The following NAALADL2 variants were observed in gnomAD, a reference collection of about 807,000 sequenced individuals.
The protein encoded by NAALADL2 is N-acetylated alpha-linked acidic dipeptidase like 2.
In NAALADL2, 76 loss-of-function variants were observed where a neutral mutation model predicts 87.2. That is an observed-to-expected ratio of 0.87 (90% CI 0.72 to 1.05). The LOEUF is 1.05. Among genes scored for constraint, NAALADL2 ranks in the 50% least tolerant of loss-of-function variants. The probability of loss-of-function intolerance (pLI) is 0.00; values close to 1 mark genes in which losing one functional copy is unlikely to be tolerated. For missense variants in NAALADL2, 1,089 were observed against 945.8 expected (o/e 1.15, Z -1.99); for synonymous variants, 354 against 331.0 (o/e 1.07, Z -0.75).
chr3:174,617,684 C>T (rs1037363163), intron 2 of NAALADL2, among the ~76,000 whole-genome samples: 1 of 151,602 alleles, frequency 6.6e-6, no homozygotes, highest in Admixed American at 6.6e-5. Flanking sequence ...GCTTGTTGTT[C>T]ACTGAAGAGT....
intron 5 of NAALADL2, among the ~76,000 whole-genome samples, chr3:175,398,017 A>G (rs559689153): frequency 9.2e-5 from 14 of 152,210 alleles, no homozygotes; most frequent in African/African-American, 3.4e-4. Flanking sequence ...TCTTTAAGGT[A>G]TTGTGCCCCC....
intron 2 of NAALADL2, among the ~76,000 whole-genome samples, chr3:175,155,121 A>G (rs557724109): frequency 1.2e-4 from 19 of 152,234 alleles, no homozygotes; most frequent in South Asian, 1.2e-3. Context: ...GCTGTGTGTA[A>G]CAAACCCCTG....
intron 1 of NAALADL2, among the ~76,000 whole-genome samples, chr3:175,093,930 T>G (rs1333488503): frequency 6.6e-6 from 1 of 151,938 alleles, no homozygotes; most frequent in East Asian, 1.9e-4. Context: ...GATGTACATG[T>G]GATGGAATGC....
At chr3:174,590,166 A>AT (rs541104659) in intron 2 of NAALADL2, among the ~76,000 whole-genome samples, 38 of 149,718 alleles carry the variant, frequency 2.5e-4, no homozygotes, top group East Asian at 9.7e-4. Context: ...AGAACCATAG[A>AT]TTTTTTTTTT....
chr3:175,810,287 G>A lies in NAALADL2; in HGVS notation c.*7084G>A, dbSNP rs1755069448. ...ATAACTTTTTATGTGTTACTTACATGACTCAATATGCATCTTACTTAAGAA... is the reference window on the plus strand; with the variant it reads ...ATAACTTTTTATGTGTTACTTACATAACTCAATATGCATCTTACTTAAGAA... On this transcript the variant is annotated 3_prime_UTR_variant, in exon 14 of 14. Transcript: ENST00000454872. 1 of 151,928 alleles carries A rather than the reference G, an allele frequency of 6.6e-6. No individual in the cohort carries two copies. Among genetic ancestry groups the A allele is most frequent in the African/African-American group, 2.4e-5 (1 of 41,386 alleles). The allele number at this position is 151,928 out of a possible 1,614,324, so 9.4% of individuals were successfully genotyped here.
At chr3:174,714,028 G>A (rs570126552) in intron 2 of NAALADL2, among the ~76,000 whole-genome samples, 121 of 152,232 alleles carry the variant, frequency 7.9e-4, no homozygotes, top group African/African-American at 2.8e-3. Context: ...TGGCTAGCCA[G>A]TTTTCCCAGC....
At chr3:175,464,459 A>T (rs944703943) in intron 7 of NAALADL2, among the ~76,000 whole-genome samples, 1 of 151,964 alleles carries the variant, frequency 6.6e-6, no homozygotes, top group African/African-American at 2.4e-5. Flanking sequence ...TTCAGATATT[A>T]TGTAGGCTAA....
chr3:175,202,093 G>A (rs950024295), intron 2 of NAALADL2, among the ~76,000 whole-genome samples: 1 of 151,916 alleles, frequency 6.6e-6, no homozygotes, highest in Non-Finnish European at 1.5e-5. Context: ...ACACTTAACA[G>A]TCGCTTGCCC....
intron 1 of NAALADL2, among the ~76,000 whole-genome samples, chr3:174,938,716 A>G (rs1178189866): frequency 6.6e-6 from 1 of 152,048 alleles, no homozygotes; most frequent in Non-Finnish European, 1.5e-5. Flanking sequence ...AGCCATTCTG[A>G]CTGATTTGAG....
At chr3:175,471,390 G>A (rs1253727586) in intron 8 of NAALADL2, among the ~76,000 whole-genome samples, 2 of 150,964 alleles carry the variant, frequency 1.3e-5, no homozygotes, top group Non-Finnish European at 2.9e-5. Context: ...CAGGAGAATG[G>A]CGTGAACCCG....
At chr3:175,115,957 T>C (rs1226931495) in intron 2 of NAALADL2, among the ~76,000 whole-genome samples, 1 of 151,744 alleles carries the variant, frequency 6.6e-6, no homozygotes, top group Non-Finnish European at 1.5e-5. Flanking sequence ...ATGTAATCCA[T>C]CTTGTAAACT....
At chr3:174,966,825 T>C (rs935535079) in intron 1 of NAALADL2, among the ~76,000 whole-genome samples, 1 of 152,176 alleles carries the variant, frequency 6.6e-6, no homozygotes, top group Non-Finnish European at 1.5e-5. Context: ...TTATCAAGTA[T>C]TGATTGTAGG....
intron 5 of NAALADL2, among the ~76,000 whole-genome samples, chr3:175,326,291 C>T (rs545994414): frequency 6.6e-6 from 1 of 152,274 alleles, no homozygotes; most frequent in Non-Finnish European, 1.5e-5. Flanking sequence ...CCTTTACTGT[C>T]GGTATTTCTG....
intron 9 of NAALADL2, among the ~76,000 whole-genome samples, chr3:175,568,171 C>A (rs940745281): frequency 6.6e-6 from 1 of 150,878 alleles, no homozygotes; most frequent in African/African-American, 2.4e-5. Flanking sequence ...CATTAGATGT[C>A]GGCATTTAGA....
At chr3:175,637,331 C>T (rs1728688044) in intron 11 of NAALADL2, among the ~76,000 whole-genome samples, 1 of 152,116 alleles carries the variant, frequency 6.6e-6, no homozygotes, top group African/African-American at 2.4e-5. Flanking sequence ...TCTCTGAAGC[C>T]AAAAATTTCT....
intron 9 of NAALADL2, among the ~76,000 whole-genome samples, chr3:175,565,193 C>A (rs1018898928): frequency 2.6e-5 from 4 of 152,122 alleles, no homozygotes; most frequent in African/African-American, 9.7e-5. Context: ...TTCTGCCTGC[C>A]ATTCCATTCA....
intron 3 of NAALADL2, among the ~76,000 whole-genome samples, chr3:174,803,894 C>A (rs1468300109): frequency 6.6e-6 from 1 of 152,076 alleles, no homozygotes; most frequent in Non-Finnish European, 1.5e-5. Flanking sequence ...ATTTTGAAGT[C>A]AGGTAGCGTG....
intron 13 of NAALADL2, among the ~76,000 whole-genome samples, chr3:175,778,138 A>G (rs551480140): frequency 6.6e-6 from 1 of 152,232 alleles, no homozygotes; most frequent in African/African-American, 2.4e-5. Context: ...AGCAATATAA[A>G]ATCTAAAGTT....
intron 11 of NAALADL2, among the ~76,000 whole-genome samples, chr3:175,720,386 A>G (rs754437288): frequency 1.3e-5 from 2 of 152,160 alleles, no homozygotes; most frequent in Non-Finnish European, 2.9e-5. Flanking sequence ...AAAGGAATGT[A>G]TATAAATGTT....
Sources: gnomAD v4.1 joint callset for allele counts (sites outside exome capture counted in the v4.1 genomes callset) on GRCh38, gnomAD v4.1.1 for gene constraint, MANE v1.5 for transcripts, NCBI Gene and HGNC (gene_info 2026-07-23, HGNC 2026-07-21) for gene names.